The following HS3ST4 variants were observed in gnomAD, a reference collection of about 807,000 sequenced individuals.
HS3ST4 encodes heparan sulfate glucosamine 3-O-sulfotransferase 4.
Under a neutral mutation model 29.2 loss-of-function variants are expected in HS3ST4, and 17 were observed. That is an observed-to-expected ratio of 0.58 (90% CI 0.40 to 0.87). The LOEUF (loss-of-function observed/expected upper bound fraction) is 0.87, where lower values mean the gene tolerates loss of function less well. Ranked by LOEUF, HS3ST4 falls within the 40% of genes least tolerant of loss-of-function variation. The probability of loss-of-function intolerance (pLI) is 0.00; values close to 1 mark genes in which losing one functional copy is unlikely to be tolerated. For missense variants in HS3ST4, 627 were observed against 634.5 expected, an observed-to-expected ratio of 0.99 and a Z score of 0.13; for synonymous variants, 314 against 285.7, an observed-to-expected ratio of 1.10 and a Z score of -1.00.
chr16:25,695,331 T>C (rs1966287120), intron 1 of HS3ST4, among the ~76,000 whole-genome samples: 2 of 152,180 alleles, frequency 1.3e-5, no homozygotes, highest in Non-Finnish European at 2.9e-5. Context: ...CACAAAATTC[T>C]CTTAGGAACA....
At chr16:25,906,774 G>A (rs566515568) in intron 1 of HS3ST4, among the ~76,000 whole-genome samples, 20 of 152,178 alleles carry the variant, frequency 1.3e-4, no homozygotes, top group Non-Finnish European at 2.8e-4. Flanking sequence ...CAACGTGGCT[G>A]GTATCTAGGA....
chr16:25,844,739 A>T (rs1967447232), intron 1 of HS3ST4, among the ~76,000 whole-genome samples: 1 of 152,258 alleles, frequency 6.6e-6, no homozygotes, highest in African/African-American at 2.4e-5. Context: ...TCTATTACAA[A>T]GATGCATGCA....
At chr16:26,113,470 A>ATATGTGTG (rs766908254) in intron 1 of HS3ST4, among the ~76,000 whole-genome samples, 4 of 132,158 alleles carry the variant, frequency 3.0e-5, no homozygotes, top group Admixed American at 7.9e-5. Context: ...ACAATATATG[A>ATATGTGTG]TGTGTGTGTG....
At chr16:25,700,520 T>G (rs1044780936) in intron 1 of HS3ST4, among the ~76,000 whole-genome samples, 1 of 152,222 alleles carries the variant, frequency 6.6e-6, no homozygotes, top group African/African-American at 2.4e-5. Context: ...TATTTTTTAT[T>G]TTTGAAAATC....
chr16:25,816,994 A>G (rs1451872851), intron 1 of HS3ST4, among the ~76,000 whole-genome samples: 2 of 152,150 alleles, frequency 1.3e-5, no homozygotes, highest in East Asian at 3.9e-4. Context: ...TAAAGGCCCC[A>G]CCTCTCAATA....
chr16:25,971,370 T>A lies in HS3ST4; in HGVS notation c.735-164242T>A, dbSNP rs112870289. The stretch of plus-strand genomic sequence containing the variant: ...ATCATTTCTCAACTCATGCAATCTG[T>A]TTTTCACTCACTGTTTATCCTCCTC... On this transcript the variant is annotated intron_variant, in intron 1 of 1. Coordinates refer to ENST00000331351, the MANE Select transcript of HS3ST4 (RefSeq NM_006040.3). Among the ~76,000 whole-genome samples, 502 of 152,228 alleles carry A rather than the reference T, an allele frequency of 3.3e-3. 1 individual carries two copies. The highest frequency in any genetic ancestry group is 0.011 in the African/African-American group (467 of 41,528).
chr16:26,014,363 G>T (rs989986008), intron 1 of HS3ST4, among the ~76,000 whole-genome samples: 4 of 152,068 alleles, frequency 2.6e-5, no homozygotes, highest in Non-Finnish European at 5.9e-5. Flanking sequence ...TTTATTTTAG[G>T]TTCAAGGTAC....
intron 1 of HS3ST4, among the ~76,000 whole-genome samples, chr16:25,837,097 T>C (rs1416534345): frequency 6.6e-6 from 1 of 152,240 alleles, no homozygotes; most frequent in African/African-American, 2.4e-5. Context: ...TGATTTCCAA[T>C]GGAGTTAGGC....
intron 1 of HS3ST4, among the ~76,000 whole-genome samples, chr16:25,804,458 C>T (rs1243523785): frequency 1.3e-5 from 2 of 152,130 alleles, no homozygotes; most frequent in Non-Finnish European, 2.9e-5. Context: ...TCAGGTTTCC[C>T]TTTCCCCATT....
At chr16:25,930,273 T>G (rs1441123654) in intron 1 of HS3ST4, among the ~76,000 whole-genome samples, 1 of 152,244 alleles carries the variant, frequency 6.6e-6, no homozygotes, top group Non-Finnish European at 1.5e-5. Flanking sequence ...AGGATATAAC[T>G]GTTTCTAGAT....
intron 1 of HS3ST4, among the ~76,000 whole-genome samples, chr16:25,931,875 G>A (rs762990626): frequency 2.6e-5 from 4 of 152,206 alleles, no homozygotes; most frequent in Non-Finnish European, 4.4e-5. Flanking sequence ...CCAGCTTGGA[G>A]GGGTCACATG....
At chr16:26,098,095 A>C (rs1410046108) in intron 1 of HS3ST4, among the ~76,000 whole-genome samples, 1 of 152,206 alleles carries the variant, frequency 6.6e-6, no homozygotes, top group Non-Finnish European at 1.5e-5. Flanking sequence ...CAGATGCCAG[A>C]GAGGATGTGG....
At chr16:25,952,743 T>C (rs1381058496) in intron 1 of HS3ST4, among the ~76,000 whole-genome samples, 1 of 152,222 alleles carries the variant, frequency 6.6e-6, no homozygotes, top group Non-Finnish European at 1.5e-5. Flanking sequence ...CCTTAGTTTC[T>C]TCATCTTTAA....
chr16:25,986,600 A>G (rs770000728), intron 1 of HS3ST4, among the ~76,000 whole-genome samples: 1 of 152,236 alleles, frequency 6.6e-6, no homozygotes, highest in Non-Finnish European at 1.5e-5. Context: ...CGCAGTGTCC[A>G]TAAAAATGTT....
chr16:26,002,677 GAGAT>G (rs1340416485), intron 1 of HS3ST4, among the ~76,000 whole-genome samples: 3 of 123,252 alleles, frequency 2.4e-5, no homozygotes, highest in Non-Finnish European at 5.0e-5. Flanking sequence ...GAAAGAGAAA[GAGAT>G]AGAGAAAAAA....
At chr16:25,802,462 G>A (rs980866290) in intron 1 of HS3ST4, among the ~76,000 whole-genome samples, 3 of 151,878 alleles carry the variant, frequency 2.0e-5, no homozygotes, top group African/African-American at 4.8e-5. Flanking sequence ...AGTATACAGC[G>A]GCAAATACAA....
intron 1 of HS3ST4, among the ~76,000 whole-genome samples, chr16:26,124,427 A>G (rs1899316175): frequency 6.6e-6 from 1 of 152,138 alleles, no homozygotes; most frequent in Non-Finnish European, 1.5e-5. Context: ...GCAATTGTAT[A>G]TAGTTCTGAT....
At chr16:25,889,346 G>A (rs1268907388) in intron 1 of HS3ST4, among the ~76,000 whole-genome samples, 5 of 152,096 alleles carry the variant, frequency 3.3e-5, no homozygotes, top group South Asian at 2.1e-4. Context: ...TCTCCCCTCC[G>A]GCCCCTAGGT....
rs189296880 is a variant in HS3ST4, at chr16:26,030,388, G to A, written c.735-105224G>A. ...GCCGTTGCACTCTAGCCTAGGCACC[G>A]GGTGAGACGCCGTCTCTAAAAAAGA... On this transcript the variant is annotated intron_variant, in intron 1 of 1. Coordinates refer to ENST00000331351, the MANE Select transcript of HS3ST4 (RefSeq NM_006040.3). Among the ~76,000 whole-genome samples the A allele has an allele frequency of 3.7e-4, 56 of 152,274 alleles. No individual in the cohort carries two copies. In the East Asian group the frequency reaches 0.01, roughly 27 times the overall value.
Sources: gnomAD v4.1 joint callset for allele counts (sites outside exome capture counted in the v4.1 genomes callset) on GRCh38, gnomAD v4.1.1 for gene constraint, MANE v1.5 for transcripts, NCBI Gene and HGNC (gene_info 2026-07-23, HGNC 2026-07-21) for gene names.